The following MBNL1 variants were observed in gnomAD, a reference collection of about 807,000 sequenced individuals.
The protein encoded by MBNL1 is muscleblind-like protein 1.
In MBNL1, 8 loss-of-function variants were observed where a neutral mutation model predicts 42.2. That is an observed-to-expected ratio of 0.19 (90% CI 0.11 to 0.34). The LOEUF (loss-of-function observed/expected upper bound fraction) is 0.34, where lower values mean the gene tolerates loss of function less well. MBNL1 is among the 10% of genes least tolerant of loss of function. The pLI is 1.00. For missense variants in MBNL1, 309 were observed against 495.3 expected (o/e 0.62, Z 3.57); for synonymous variants, 169 against 173.9 (o/e 0.97, Z 0.22).
In MBNL1 at chr3:152,380,529, G is replaced by C. The variant is rs142842604; in HGVS notation, c.175-34412G>C. On this transcript the variant is annotated intron_variant, in intron 2 of 9. Coordinates refer to ENST00000324210, the MANE Select transcript of MBNL1 (RefSeq NM_021038.5). ...AGCCCCTAAAGAGGTATTGAAAGAG[G>C]TTTTACAGCTTTTGCTTCATTATCC... is the stretch of plus-strand genomic sequence containing the variant. Among the ~76,000 whole-genome samples, 363 of 152,088 alleles carry C rather than the reference G, an allele frequency of 2.4e-3. 1 individual carries two copies. The highest frequency in any genetic ancestry group is 8.6e-3 in the African/African-American group (356 of 41,510).
At chr3:152,317,794 C>A (rs910596555) in intron 2 of MBNL1, among the ~76,000 whole-genome samples, 1 of 152,036 alleles carries the variant, frequency 6.6e-6, no homozygotes, top group Non-Finnish European at 1.5e-5. Flanking sequence ...AGATGTTCAA[C>A]GAGATGTTCA....
At position 152,269,916 on chromosome 3, in the gene MBNL1, C is replaced by CCCCCTT. The variant is rs778365519; in HGVS notation, c.-790+824_-790+825insCCCCTT. On this transcript the variant is annotated intron_variant, in intron 1 of 9. Coordinates refer to ENST00000324210, the MANE Select transcript of MBNL1 (RefSeq NM_021038.5). Reference sequence around the variant, plus strand: ...GGACAAATATGTAGCCACCCCCCAACTTTTTTTTTTTTTTTTAAACGGAGC... The same window carrying CCCCCTT: ...GGACAAATATGTAGCCACCCCCCAACCCCCTTTTTTTTTTTTTTTTTTAAACGGAGC... 2 of 101,406 alleles carry CCCCCTT rather than the reference C, an allele frequency of 2.0e-5. 1 individual carries two copies. The highest frequency in any genetic ancestry group is 2.0e-4 in the Admixed American group (2 of 10,078). 6.3% of individuals were successfully genotyped at this position (101,406 alleles called of 1,614,324 possible). A position where few individuals can be genotyped will look rare whatever the true frequency, so the allele number is the denominator to read the frequency against.
At chr3:152,343,348 C>T (rs2093674606) in intron 2 of MBNL1, among the ~76,000 whole-genome samples, 1 of 152,124 alleles carries the variant, frequency 6.6e-6, no homozygotes. Flanking sequence ...AGTTGAATGC[C>T]AGAGTTTAAC....
Position 152,298,064 on chromosome 3 carries a change from TAAAC to T in MBNL1, c.-789-1338_-789-1335del, listed in dbSNP as rs1289702541. Among the ~76,000 whole-genome samples, 7 of 152,332 alleles carry T rather than the reference TAAAC, an allele frequency of 4.6e-5. No individual in the cohort carries two copies. In the East Asian group the frequency reaches 9.6e-4, roughly 21 times the overall value. On this transcript the variant is annotated intron_variant, in intron 1 of 9. Transcript: ENST00000324210. Reference sequence around the variant, plus strand: ...AGTGTTAAAATGGCAATATTAATCTTAAACAATTTAAGTTCTAGATGTTCGTGTT... The same window carrying T: ...AGTGTTAAAATGGCAATATTAATCTTAATTTAAGTTCTAGATGTTCGTGTT...
At chr3:152,256,614 A>G (rs1368141259) in intron 2 of MBNL1, among the ~76,000 whole-genome samples, 2 of 152,216 alleles carry the variant, frequency 1.3e-5, no homozygotes, top group African/African-American at 4.8e-5. Context: ...TAAATGAATC[A>G]TATCACTACA....
intron 2 of MBNL1, chr3:152,335,237 G>A: frequency 7.8e-7 from 1 of 1,289,766 alleles, no homozygotes; most frequent in South Asian, 1.2e-5. Flanking sequence ...GCTGGTGAGT[G>A]AATAAGGCAA....
At chr3:152,341,909 C>G (rs2093320998) in intron 2 of MBNL1, among the ~76,000 whole-genome samples, 1 of 152,060 alleles carries the variant, frequency 6.6e-6, no homozygotes, top group Non-Finnish European at 1.5e-5. Context: ...GAAATAAAAG[C>G]TCACTGAATC....
intron 2 of MBNL1, among the ~76,000 whole-genome samples, chr3:152,332,040 A>C (rs900570625): frequency 6.8e-4 from 103 of 152,310 alleles, no homozygotes; most frequent in African/African-American, 2.3e-3. Context: ...AGAAACTTTA[A>C]TGCAGCTGAT....
In MBNL1 at chr3:152,464,583, T is replaced by C. The variant is rs981570179; in HGVS notation, c.*2217T>C. 6.6e-6 allele frequency: 1 copy of C among 152,654 alleles called. No homozygotes were observed. The highest frequency in any genetic ancestry group is 2.4e-5 in the African/African-American group (1 of 41,466). The allele number at this position is 152,654 out of a possible 1,614,324, so 9.5% of individuals were successfully genotyped here. A position where few individuals can be genotyped will look rare whatever the true frequency, so the allele number is the denominator to read the frequency against. On this transcript the variant is annotated 3_prime_UTR_variant, in exon 10 of 10. Transcript: ENST00000324210. ...TATTAGAATAAAATTTATTTTCTAC[T>C]GTATCCATTTCAAATGTTAAAATAT...
chr3:152,459,714 C>T (rs1301686535), intron 9 of MBNL1, among the ~76,000 whole-genome samples: 2 of 151,946 alleles, frequency 1.3e-5, no homozygotes, highest in Non-Finnish European at 2.9e-5. Context: ...TGCAGCTACT[C>T]TCCTCTGCCA....
Position 152,262,011 on chromosome 3 carries a change from C to T in MBNL1, n.333+17571C>T, listed in dbSNP as rs115691626. Among the ~76,000 whole-genome samples the T allele has an allele frequency of 1.1e-3, 172 of 152,230 alleles. 1 individual carries two copies. Among genetic ancestry groups the T allele is most frequent in the African/African-American group, 4.0e-3 (168 of 41,536 alleles). The stretch of plus-strand genomic sequence containing the variant: ...TTTAACTGAATGGTTTCATTTGCTA[C>T]GCTCTTTTCCAACTGTGATTTTTCC... On this transcript the variant is annotated intron_variant and non_coding_transcript_variant, in intron 2 of 2. Transcript: ENST00000477171.
chr3:152,426,614 T>C (rs2098935494), intron 3 of MBNL1, among the ~76,000 whole-genome samples: 3 of 152,132 alleles, frequency 2.0e-5, no homozygotes, highest in Admixed American at 6.5e-5. Context: ...ACATAAGCAG[T>C]GGTTATAAAG....
intron 6 of MBNL1, among the ~76,000 whole-genome samples, chr3:152,451,536 G>T (rs189613870): frequency 4.2e-4 from 64 of 151,856 alleles, no homozygotes; most frequent in African/African-American, 1.5e-3. Flanking sequence ...AATAAACATT[G>T]ATTGTATGCC....
intron 2 of MBNL1, among the ~76,000 whole-genome samples, chr3:152,373,177 T>C (rs2096746835): frequency 6.6e-6 from 1 of 152,082 alleles, no homozygotes; most frequent in Admixed American, 6.5e-5. Flanking sequence ...CCAGGTCGAC[T>C]TCAGACTGCT....
intron 2 of MBNL1, among the ~76,000 whole-genome samples, chr3:152,367,289 G>C (rs1454941109): frequency 1.3e-5 from 2 of 148,370 alleles, no homozygotes; most frequent in Admixed American, 7.0e-5. Context: ...TTGTTTTTCT[G>C]TTCCTGTGTT....
At chr3:152,310,250 A>G (rs1334189194) in intron 2 of MBNL1, among the ~76,000 whole-genome samples, 3 of 152,180 alleles carry the variant, frequency 2.0e-5, no homozygotes, top group African/African-American at 7.2e-5. Flanking sequence ...ACTGAGTCAG[A>G]TTGATTTTTA....
At chr3:152,365,298 T>G (rs1283788439) in intron 2 of MBNL1, among the ~76,000 whole-genome samples, 1 of 152,102 alleles carries the variant, frequency 6.6e-6, no homozygotes, top group Admixed American at 6.6e-5. Flanking sequence ...TATCACTTGA[T>G]TATGTGAATA....
chr3:152,345,571 T>C (rs941702955), intron 2 of MBNL1, among the ~76,000 whole-genome samples: 7 of 152,160 alleles, frequency 4.6e-5, no homozygotes, highest in Admixed American at 4.6e-4. Flanking sequence ...AATAAATATT[T>C]TTAAAATACT....
intron 2 of MBNL1, among the ~76,000 whole-genome samples, chr3:152,365,234 TA>T (rs1332642491): frequency 6.6e-6 from 1 of 152,006 alleles, no homozygotes; most frequent in Non-Finnish European, 1.5e-5. Flanking sequence ...ATTTTGAAAG[TA>T]AAATGGGCAT....
Sources: gnomAD v4.1 joint callset for allele counts (sites outside exome capture counted in the v4.1 genomes callset) on GRCh38, gnomAD v4.1.1 for gene constraint, MANE v1.5 for transcripts, NCBI Gene and HGNC (gene_info 2026-07-23, HGNC 2026-07-21) for gene names.